The following ZGPAT variants were observed in gnomAD, a reference collection of about 807,000 sequenced individuals.
ZGPAT encodes zinc finger CCCH-type with G patch domain-containing protein.
Under a neutral mutation model 47.9 loss-of-function variants are expected in ZGPAT, and 39 were observed. That is an observed-to-expected ratio of 0.81 (90% CI 0.63 to 1.06). The LOEUF is 1.06. Ranked by LOEUF, ZGPAT falls within the 50% of genes least tolerant of loss-of-function variation. The pLI is 0.00. For synonymous variants in ZGPAT, 348 were observed against 292.9 expected (o/e 1.19, Z -1.92); for missense variants, 717 against 681.4 (o/e 1.05, Z -0.58).
chr20:63,708,762 G>C lies in ZGPAT; in HGVS notation c.182G>C (p.Ser61Thr), dbSNP rs1568780570. 1 of 1,611,598 alleles carries C rather than the reference G, an allele frequency of 6.2e-7. No homozygotes were observed. The highest frequency in any genetic ancestry group is 1.1e-5 in the South Asian group (1 of 91,058). ...EASLVSVRKS[S>T]LLAALDEERP... ...AGCCTGGTGTCTGTCAGGAAGAGCA[G>C]CTTGTTGGCCGCGCTGGACGAAGAG... Residue 61 changes from serine (S) to threonine (T), a missense_variant, in exon 2 of 7, where the codon AGC (serine) becomes ACC (threonine). By Grantham distance (58) the Ser-to-Thr change is moderately conservative. Coordinates refer to ENST00000355969, the MANE Select transcript of ZGPAT (RefSeq NM_181485.3).
chr20:63,724,765 C>T (rs993808411), intron 2 of ZGPAT, among the ~76,000 whole-genome samples: 1 of 151,230 alleles, frequency 6.6e-6, no homozygotes, highest in Non-Finnish European at 1.5e-5. Context: ...CCTCTGCCTC[C>T]CTGGTTAGAG....
At chr20:63,732,872 GTGCGTA>G (rs1449371110) in intron 2 of ZGPAT, among the ~76,000 whole-genome samples, 1 of 152,054 alleles carries the variant, frequency 6.6e-6, no homozygotes, top group Non-Finnish European at 1.5e-5. Context: ...ATATGCGCGT[GTGCGTA>G]TGCGTGTATG....
chr20:63,713,009 C>G (rs1246408536), intron 2 of ZGPAT, among the ~76,000 whole-genome samples: 3 of 152,112 alleles, frequency 2.0e-5, no homozygotes, highest in African/African-American at 7.2e-5. Flanking sequence ...TTGTACTGTT[C>G]AAGTCTTGCA....
chr20:63,714,978 G>A (rs1000796253), intron 2 of ZGPAT, among the ~76,000 whole-genome samples: 1 of 152,012 alleles, frequency 6.6e-6, no homozygotes, highest in Non-Finnish European at 1.5e-5. Context: ...TTTTCCTTTA[G>A]ATGATCATGT....
chr20:63,724,696 CAA>C lies in ZGPAT; in HGVS notation c.585-8521_585-8520del, dbSNP rs1304027330. Among the ~76,000 whole-genome samples, 4 of 119,422 alleles carry C rather than the reference CAA, an allele frequency of 3.3e-5. 1 individual carries two copies. The East Asian group carries it at 9.4e-4, about 28-fold the overall frequency. 78.3% of individuals were successfully genotyped at this position (119,422 alleles called of 152,430 possible). A position where few individuals can be genotyped will look rare whatever the true frequency, so the allele number is the denominator to read the frequency against. On this transcript the variant is annotated intron_variant, in intron 2 of 6. Coordinates refer to ENST00000355969, the MANE Select transcript of ZGPAT (RefSeq NM_181485.3). Reference sequence around the variant, plus strand: ...GAATTTTTTTTTTTTTTTTTTGAGACAAAGTCTCACTGTGTTGCCCAGGCTGG... The same window carrying C: ...GAATTTTTTTTTTTTTTTTTTGAGACAGTCTCACTGTGTTGCCCAGGCTGG...
At chr20:63,709,675 G>A (rs1177715371) in intron 2 of ZGPAT, among the ~76,000 whole-genome samples, 1 of 151,220 alleles carries the variant, frequency 6.6e-6, no homozygotes, top group African/African-American at 2.4e-5. Flanking sequence ...GTTTTTTTTT[G>A]GTGGTTGTTT....
chr20:63,723,348 C>G lies in ZGPAT; in HGVS notation c.585-9871C>G, dbSNP rs758813802. 7.2e-3 allele frequency among the ~76,000 whole-genome samples: 852 copies of G among 117,594 alleles called. 1 individual carries two copies. Among genetic ancestry groups the G allele is most frequent in the Non-Finnish European group, 0.012 (634 of 53,196 alleles). The allele number at this position is 117,594 out of a possible 152,430, so 77.1% of individuals were successfully genotyped here. ...CCTTCTCCTATGACACAGCTCCATC[C>G]TCCCTTCTCCTATGACACAGCTCCA... On this transcript the variant is annotated intron_variant, in intron 2 of 6. Coordinates refer to ENST00000355969, the MANE Select transcript of ZGPAT (RefSeq NM_181485.3).
At chr20:63,732,555 CTG>C (rs1257285144) in intron 2 of ZGPAT, among the ~76,000 whole-genome samples, 5 of 151,898 alleles carry the variant, frequency 3.3e-5, no homozygotes, top group African/African-American at 7.3e-5. Flanking sequence ...CCATGTATGA[CTG>C]CATCTGTATT....
rs370753378 is a variant in ZGPAT, at chr20:63,733,570, C to T, written c.719-17C>T. On this transcript the variant is annotated splice_polypyrimidine_tract_variant and intron_variant, in intron 3 of 6. Transcript: ENST00000355969. ...TGCTGTCAAGGATTCTGACCTGCAG[C>T]TTGTCTCTGCCCCCAGATGTGGACA... 2 of 1,614,124 alleles carry T rather than the reference C, an allele frequency of 1.2e-6. No homozygotes were observed. The highest frequency in any genetic ancestry group is 1.3e-5 in the African/African-American group (1 of 75,058).
chr20:63,735,160 T>G lies in ZGPAT; in HGVS notation c.993T>G (p.Gly331=). The G allele has an allele frequency of 6.6e-7, 1 of 1,510,156 alleles. No individual in the cohort carries two copies. The highest frequency in any genetic ancestry group is 2.2e-5 in the Admixed American group (1 of 44,466). The allele number at this position is 1,510,156 out of a possible 1,614,324, so 93.5% of individuals were successfully genotyped here. A position where few individuals can be genotyped will look rare whatever the true frequency, so the allele number is the denominator to read the frequency against. ...ACTGCCATCCCCGTGCCTCCGCAGG[T>G]TTGGGCCGACACGCGGAAGGCCGGG... The part of the protein sequence containing the change: ...LTKMGYEFGK[G]LGRHAEGRVE... The change falls in exon 6 of 7, where the codon GGT becomes GGG. Residue 331 remains glycine, a splice_region_variant and synonymous_variant. Transcript: ENST00000355969.
chr20:63,709,207 G>A (rs777454295), intron 2 of ZGPAT, 43 bp downstream of exon 2: 2 of 1,596,078 alleles, frequency 1.3e-6, no homozygotes, highest in South Asian at 2.2e-5. Flanking sequence ...GGGGCGTAAG[G>A]GGCACGCACA....
rs1171522386 is a variant in ZGPAT at position 63,733,631 on chromosome 20, C to A, written c.763C>A (p.Leu255Met). Residue 255 changes from leucine (L) to methionine (M), a missense_variant, in exon 4 of 7, where the codon CTG becomes ATG. By Grantham distance (15) the Leu-to-Met change is conservative. Transcript: ENST00000355969. ...CACAGTCAAGTTTGACTCGCTGCTG[C>A]TGAGGGAGGCCGTGGTGGAGGGGGA... ...YYTVKFDSLL[L>M]REAVVEGDGI... The A allele has an allele frequency of 6.2e-7, 1 of 1,614,106 alleles. No individual in the cohort carries two copies. The highest frequency in any genetic ancestry group is 1.6e-4 in the Middle Eastern group (1 of 6,062).
At chr20:63,723,645 A>G (rs2091813711) in intron 2 of ZGPAT, among the ~76,000 whole-genome samples, 1 of 152,058 alleles carries the variant, frequency 6.6e-6, no homozygotes, top group African/African-American at 2.4e-5. Flanking sequence ...GTCCTCTGAC[A>G]TAGCTCCATC....
rs2091584329 is a variant in ZGPAT at position 63,708,054 on chromosome 20, G to T, written c.-93G>T. On this transcript the variant is annotated 5_prime_UTR_variant, in exon 1 of 7. Transcript: ENST00000355969. ...CGCGCCAAGCACTTCCGGAAGCGGC[G>T]GCGCTCGGGAGGAAGTGCCGATCGG... 1 of 152,130 alleles carries T rather than the reference G, an allele frequency of 6.6e-6. No homozygotes were observed. Among genetic ancestry groups the T allele is most frequent in the Non-Finnish European group, 1.5e-5 (1 of 68,018 alleles). 9.4% of individuals were successfully genotyped at this position (152,130 alleles called of 1,614,324 possible). A position where few individuals can be genotyped will look rare whatever the true frequency, so the allele number is the denominator to read the frequency against.
intron 2 of ZGPAT, among the ~76,000 whole-genome samples, chr20:63,717,864 G>C (rs2091746861): frequency 6.6e-6 from 1 of 152,142 alleles, no homozygotes; most frequent in South Asian, 2.1e-4. Flanking sequence ...CCGACAGGGA[G>C]AAACCCCATC....
At chr20:63,724,675 T>TG (rs1555829512) in intron 2 of ZGPAT, among the ~76,000 whole-genome samples, 1 of 97,812 alleles carries the variant, frequency 1.0e-5, no homozygotes, top group East Asian at 1.3e-3. Context: ...CATTTAGAAT[T>TG]TTTTTTTTTT....
At chr20:63,724,492 G>A (rs999143258) in intron 2 of ZGPAT, among the ~76,000 whole-genome samples, 4 of 151,870 alleles carry the variant, frequency 2.6e-5, no homozygotes, top group African/African-American at 9.7e-5. Flanking sequence ...CACCAGCCTG[G>A]GCAACATAGC....
In ZGPAT at chr20:63,708,921, C is replaced by A; in HGVS notation, c.341C>A (p.Ala114Glu). Reference protein sequence around the residue: ...VPKAEAGPESAAGGQEEEEGE... With the variant: ...VPKAEAGPESEAGGQEEEEGE... ...AAAGCAGAGGCGGGGCCAGAATCTGCGGCAGGTGGGCAGGAGGAGGAAGAG... is the reference window on the plus strand; with the variant it reads ...AAAGCAGAGGCGGGGCCAGAATCTGAGGCAGGTGGGCAGGAGGAGGAAGAG... The change falls in exon 2 of 7, where the codon GCG (alanine) becomes GAG (glutamate). Residue 114 changes from alanine (A) to glutamate (E), a missense_variant. Physicochemically the swap from Ala to Glu is moderately radical, Grantham distance 107. Coordinates refer to ENST00000355969, the MANE Select transcript of ZGPAT (RefSeq NM_181485.3). 4 of 1,612,170 alleles carry A rather than the reference C, an allele frequency of 2.5e-6. No individual in the cohort carries two copies. The highest frequency in any genetic ancestry group is 3.4e-6 in the Non-Finnish European group (4 of 1,179,576).
intron 2 of ZGPAT, among the ~76,000 whole-genome samples, chr20:63,718,339 T>C (rs970402092): frequency 4.0e-5 from 6 of 148,974 alleles, no homozygotes; most frequent in Admixed American, 2.7e-4. Context: ...TCTTTCTTTC[T>C]TTTTTTTTTG....
Sources: gnomAD v4.1 joint callset for allele counts (sites outside exome capture counted in the v4.1 genomes callset) on GRCh38, gnomAD v4.1.1 for gene constraint, MANE v1.5 for transcripts, NCBI Gene and HGNC (gene_info 2026-07-23, HGNC 2026-07-21) for gene names.